The following ZNF536 variants were observed in gnomAD, a reference collection of about 807,000 sequenced individuals.
The protein encoded by ZNF536 is zinc finger protein 536.
Under a neutral mutation model 84.5 loss-of-function variants are expected in ZNF536, and 13 were observed. That is an observed-to-expected ratio of 0.15 (90% CI 0.10 to 0.24). The LOEUF (loss-of-function observed/expected upper bound fraction) is 0.24, where lower values mean the gene tolerates loss of function less well. ZNF536 is among the 10% of genes least tolerant of loss of function. The pLI, the probability that ZNF536 is intolerant of heterozygous loss-of-function variation, is 1.00. For synonymous variants in ZNF536, 811 were observed against 742.5 expected (o/e 1.09, Z -1.50); for missense variants, 1,536 against 1,747.5 (o/e 0.88, Z 2.16).
At chr19:30,300,068 A>G (rs2046129208) in intron 2 of ZNF536, among the ~76,000 whole-genome samples, 1 of 152,202 alleles carries the variant, frequency 6.6e-6, no homozygotes, top group Non-Finnish European at 1.5e-5. Flanking sequence ...TGGAAATGGC[A>G]TTTGTGATTA....
chr19:30,260,609 A>G (rs2025156770), intron 1 of ZNF536, among the ~76,000 whole-genome samples: 1 of 152,238 alleles, frequency 6.6e-6, no homozygotes, highest in Admixed American at 6.5e-5. Context: ...TGGAGTCAGA[A>G]GGAAATTCAT....
intron 2 of ZNF536, among the ~76,000 whole-genome samples, chr19:30,515,395 G>T (rs1438279392): frequency 6.6e-6 from 1 of 152,176 alleles, no homozygotes; most frequent in African/African-American, 2.4e-5. Flanking sequence ...TATCGTTTAT[G>T]ATAAGAGTTC....
Position 30,417,148 on chromosome 19 carries a change from A to ATTTTT in ZNF536, c.-2-26389_-2-26385dup, listed in dbSNP as rs71173904. On this transcript the variant is annotated intron_variant, in intron 1 of 4. Coordinates refer to ENST00000355537, the MANE Select transcript of ZNF536 (RefSeq NM_014717.3). The stretch of plus-strand genomic sequence containing the variant: ...GCCACCACGCCAGGCTAATTTTTGT[A>ATTTTT]TTTTTTTTTTTTTTTTTTTTTTTTT... 4.5e-4 allele frequency among the ~76,000 whole-genome samples: 45 copies of ATTTTT among 100,222 alleles called. 5 individuals are homozygous for ATTTTT. In the East Asian group the frequency reaches 7.2e-3, roughly 16 times the overall value. 65.7% of individuals were successfully genotyped at this position (100,222 alleles called of 152,430 possible).
chr19:30,618,391 TTAAA>T (rs1374282228), intron 1 of ZNF536, among the ~76,000 whole-genome samples: 2 of 152,176 alleles, frequency 1.3e-5, no homozygotes, highest in African/African-American at 4.8e-5. Flanking sequence ...CTTAGATGAG[TTAAA>T]TAGACAGCAT....
At chr19:30,329,680 C>G (rs1018080567) in intron 2 of ZNF536, among the ~76,000 whole-genome samples, 1 of 152,214 alleles carries the variant, frequency 6.6e-6, no homozygotes, top group African/African-American at 2.4e-5. Flanking sequence ...TCAGGCCCCT[C>G]TCCCTCTCTG....
chr19:30,677,992 T>TA (rs1173210435), intron 1 of ZNF536, among the ~76,000 whole-genome samples: 1 of 152,180 alleles, frequency 6.6e-6, no homozygotes, highest in Non-Finnish European at 1.5e-5. Context: ...AGGCAGGGTT[T>TA]AGAGACTTCT....
At chr19:30,545,091 A>G (rs1372475229) in intron 3 of ZNF536, among the ~76,000 whole-genome samples, 1 of 152,244 alleles carries the variant, frequency 6.6e-6, no homozygotes, top group Non-Finnish European at 1.5e-5. Context: ...AAGTCCCGAA[A>G]GATCCCGAAA....
intron 2 of ZNF536, among the ~76,000 whole-genome samples, chr19:30,449,061 C>G: frequency 6.6e-6 from 1 of 152,184 alleles, no homozygotes; most frequent in Middle Eastern, 3.2e-3. Flanking sequence ...AGCTTAAGAT[C>G]AACTGCGAAA....
chr19:30,512,794 T>C (rs1398593467), intron 2 of ZNF536, among the ~76,000 whole-genome samples: 1 of 152,216 alleles, frequency 6.6e-6, no homozygotes, highest in Non-Finnish European at 1.5e-5. Context: ...GTTAATAAAT[T>C]CTGCAAGTTC....
intron 1 of ZNF536, among the ~76,000 whole-genome samples, chr19:30,691,944 C>T (rs2051428488): frequency 6.6e-6 from 1 of 152,214 alleles, no homozygotes; most frequent in South Asian, 2.1e-4. Context: ...CCCCTGCCTG[C>T]AGCCTCTGCC....
At chr19:30,597,339 A>C (rs1446166050) in intron 1 of ZNF536, among the ~76,000 whole-genome samples, 2 of 152,232 alleles carry the variant, frequency 1.3e-5, no homozygotes, top group Non-Finnish European at 2.9e-5. Context: ...TGCTTGGCAA[A>C]CAGACAGATG....
At chr19:30,271,673 C>G (rs1281744204) in intron 1 of ZNF536, among the ~76,000 whole-genome samples, 1 of 152,186 alleles carries the variant, frequency 6.6e-6, no homozygotes, top group Non-Finnish European at 1.5e-5. Context: ...TCTCTGGTCT[C>G]TCATACATCA....
At chr19:30,321,548 ACT>A (rs2046856068) in intron 2 of ZNF536, among the ~76,000 whole-genome samples, 1 of 151,936 alleles carries the variant, frequency 6.6e-6, no homozygotes, top group African/African-American at 2.4e-5. Context: ...ACAGAGCGAG[ACT>A]CTGTCTTAAA....
intron 2 of ZNF536, among the ~76,000 whole-genome samples, chr19:30,329,767 A>G (rs2047149623): frequency 6.6e-6 from 1 of 152,106 alleles, no homozygotes; most frequent in Admixed American, 6.5e-5. Flanking sequence ...CACATTTTTA[A>G]AATGGAGATT....
chr19:30,635,335 T>C (rs1238134427), intron 1 of ZNF536, among the ~76,000 whole-genome samples: 1 of 152,218 alleles, frequency 6.6e-6, no homozygotes, highest in Non-Finnish European at 1.5e-5. Flanking sequence ...TTCTGCTCTT[T>C]TTGGAGTTTA....
intron 2 of ZNF536, among the ~76,000 whole-genome samples, chr19:30,483,188 TC>T (rs1168468471): frequency 6.6e-6 from 1 of 152,176 alleles, no homozygotes; most frequent in African/African-American, 2.4e-5. Context: ...ATCTCCAGGC[TC>T]CTCCCACACT....
chr19:30,446,209 A>G (rs926303763), intron 2 of ZNF536, among the ~76,000 whole-genome samples: 24 of 134,298 alleles, frequency 1.8e-4, no homozygotes, highest in African/African-American at 6.8e-4. Flanking sequence ...AGATCACACC[A>G]CTGCACTCCA....
chr19:30,375,815 T>C (rs1211182951), intron 1 of ZNF536, among the ~76,000 whole-genome samples: 2 of 152,150 alleles, frequency 1.3e-5, no homozygotes, highest in Non-Finnish European at 2.9e-5. Context: ...ATGTGGGTGG[T>C]GAGTACCCGT....
intron 2 of ZNF536, among the ~76,000 whole-genome samples, chr19:30,454,926 G>A (rs1358388642): frequency 6.6e-6 from 1 of 152,140 alleles, no homozygotes; most frequent in East Asian, 1.9e-4. Context: ...CCAGCTACTC[G>A]GGAGGCTGAG....
Sources: gnomAD v4.1 joint callset for allele counts (sites outside exome capture counted in the v4.1 genomes callset) on GRCh38, gnomAD v4.1.1 for gene constraint, MANE v1.5 for transcripts, NCBI Gene and HGNC (gene_info 2026-07-23, HGNC 2026-07-21) for gene names.